The following MAML3 variants were observed in gnomAD, a reference collection of about 807,000 sequenced individuals.
The protein encoded by MAML3 is mastermind like transcriptional coactivator 3.
MAML3 carries 27 observed loss-of-function variants against 101.9 expected under a neutral mutation model. The ratio of observed to expected loss-of-function variants is 0.27; its 90% CI spans 0.20 to 0.37. The LOEUF is 0.37. MAML3 is among the 10% of genes least tolerant of loss of function. MAML3 has a pLI of 1.00. For synonymous variants in MAML3, 501 were observed against 555.9 expected, an observed-to-expected ratio of 0.90 and a Z score of 1.39; for missense variants, 1,316 against 1,444.9, an observed-to-expected ratio of 0.91 and a Z score of 1.45.
At chr4:139,771,632 A>AT (rs1729982170) in intron 2 of MAML3, among the ~76,000 whole-genome samples, 1 of 152,232 alleles carries the variant, frequency 6.6e-6, no homozygotes, top group African/African-American at 2.4e-5. Context: ...AGCTGGCGGA[A>AT]ATAATTTTCT....
At chr4:140,018,076 A>G (rs1206618742) in intron 1 of MAML3, among the ~76,000 whole-genome samples, 1 of 152,146 alleles carries the variant, frequency 6.6e-6, no homozygotes, top group African/African-American at 2.4e-5. Flanking sequence ...TTAATTTTCT[A>G]TTAAGTCTAA....
intron 3 of MAML3, among the ~76,000 whole-genome samples, chr4:139,726,214 T>C (rs1728467827): frequency 6.6e-6 from 1 of 152,252 alleles, no homozygotes; most frequent in East Asian, 1.9e-4. Flanking sequence ...GTCTGGCTTC[T>C]TGCATTCACC....
Position 139,992,323 on chromosome 4 carries a change from A to G in MAML3, c.469-101356T>C, listed in dbSNP as rs114479797. Among the ~76,000 whole-genome samples the G allele has an allele frequency of 9.9e-3, 1,506 of 152,126 alleles. 13 individuals are homozygous for G. Among genetic ancestry groups the G allele is most frequent in the Non-Finnish European group, 0.016 (1,095 of 67,992 alleles). Reference sequence around the variant, plus strand: ...TTTGTGTATGTTTCTGTGTGGCTATATTTTCATTTCTCCTGGATAGATTCC... The same window carrying G: ...TTTGTGTATGTTTCTGTGTGGCTATGTTTTCATTTCTCCTGGATAGATTCC... On this transcript the variant is annotated intron_variant, in intron 1 of 4. Coordinates refer to ENST00000509479, the MANE Select transcript of MAML3 (RefSeq NM_018717.5).
intron 1 of MAML3, among the ~76,000 whole-genome samples, chr4:139,900,410 T>A (rs1453923594): frequency 6.6e-6 from 1 of 152,252 alleles, no homozygotes; most frequent in Admixed American, 6.5e-5. Flanking sequence ...ATATTGGGAA[T>A]GGATCGTAAA....
chr4:140,065,180 G>C (rs1727513723), intron 1 of MAML3, among the ~76,000 whole-genome samples: 1 of 152,008 alleles, frequency 6.6e-6, no homozygotes, highest in Admixed American at 6.6e-5. Flanking sequence ...CTTTTCTACA[G>C]AGTAAAATCC....
chr4:140,092,968 A>G (rs1339082757), intron 1 of MAML3, among the ~76,000 whole-genome samples: 1 of 152,224 alleles, frequency 6.6e-6, no homozygotes, highest in Non-Finnish European at 1.5e-5. Flanking sequence ...ACAAGAGACA[A>G]GTAGAGGAAG....
chr4:140,115,707 G>T (rs1272008996), intron 1 of MAML3, among the ~76,000 whole-genome samples: 1 of 152,114 alleles, frequency 6.6e-6, no homozygotes, highest in Non-Finnish European at 1.5e-5. Flanking sequence ...AAAAGCAAGT[G>T]TACTCAATTT....
chr4:139,757,322 A>G (rs185131341), intron 2 of MAML3, among the ~76,000 whole-genome samples: 1 of 151,322 alleles, frequency 6.6e-6, no homozygotes, highest in African/African-American at 2.4e-5. Flanking sequence ...GCCTGCCAGT[A>G]CTCCCCCTCA....
At chr4:139,836,715 C>T (rs1731260159) in intron 2 of MAML3, among the ~76,000 whole-genome samples, 1 of 152,068 alleles carries the variant, frequency 6.6e-6, no homozygotes, top group Non-Finnish European at 1.5e-5. Flanking sequence ...GAGCCCGGGC[C>T]TATGTTGTTC....
intron 1 of MAML3, among the ~76,000 whole-genome samples, chr4:140,048,042 C>T (rs762090951): frequency 2.0e-5 from 3 of 152,076 alleles, no homozygotes; most frequent in Non-Finnish European, 2.9e-5. Context: ...TGTCCCTTTA[C>T]GAAGACATTT....
intron 1 of MAML3, among the ~76,000 whole-genome samples, chr4:139,949,311 G>A (rs958769529): frequency 2.0e-5 from 3 of 152,096 alleles, no homozygotes; most frequent in African/African-American, 2.4e-5. Flanking sequence ...CACCACACCC[G>A]GCCAGTAGTA....
intron 1 of MAML3, among the ~76,000 whole-genome samples, chr4:140,021,055 A>G (rs901835968): frequency 6.6e-6 from 1 of 152,200 alleles, no homozygotes; most frequent in Non-Finnish European, 1.5e-5. Context: ...TAAAGTACCC[A>G]AGGAGTTACA....
chr4:139,924,561 G>T (rs1265290560), intron 1 of MAML3, among the ~76,000 whole-genome samples: 1 of 152,158 alleles, frequency 6.6e-6, no homozygotes, highest in Non-Finnish European at 1.5e-5. Flanking sequence ...ACATGAAACA[G>T]AAGTCATATC....
intron 1 of MAML3, among the ~76,000 whole-genome samples, chr4:140,028,088 T>C (rs1243310063): frequency 6.6e-6 from 1 of 152,258 alleles, no homozygotes; most frequent in Non-Finnish European, 1.5e-5. Flanking sequence ...GCAAGTATTA[T>C]GTTTGGAATA....
chr4:139,763,309 G>C (rs1213699127), intron 2 of MAML3, among the ~76,000 whole-genome samples: 1 of 152,180 alleles, frequency 6.6e-6, no homozygotes, highest in Non-Finnish European at 1.5e-5. Flanking sequence ...ATTCTCCCTT[G>C]AATGACTAAG....
rs1362752128 is a variant in MAML3, at chr4:140,018,799, T to C, written c.469-127832A>G. On this transcript the variant is annotated intron_variant, in intron 1 of 4. Transcript: ENST00000509479. ...TTTGGGACATAGTGTTTTTAACTTA[T>C]TATAACTTATGTAACTAATCCCTTA... is the stretch of plus-strand genomic sequence containing the variant. 5.3e-5 allele frequency among the ~76,000 whole-genome samples: 8 copies of C among 152,350 alleles called. No homozygotes were observed. In the East Asian group the frequency reaches 9.6e-4, roughly 18 times the overall value.
intron 1 of MAML3, among the ~76,000 whole-genome samples, chr4:140,024,246 G>A (rs1417145603): frequency 6.8e-6 from 1 of 147,424 alleles, no homozygotes; most frequent in East Asian, 2.0e-4. Flanking sequence ...TTTTTTTTTA[G>A]AGACAGTGTC....
chr4:140,151,314 C>A (rs962543049), intron 1 of MAML3, among the ~76,000 whole-genome samples: 5 of 151,214 alleles, frequency 3.3e-5, no homozygotes, highest in Admixed American at 3.3e-4. Flanking sequence ...TGAGCGCCCC[C>A]GGAGAACTGG....
intron 2 of MAML3, chr4:139,888,456 G>T: frequency 2.0e-6 from 1 of 494,494 alleles, no homozygotes; most frequent in Middle Eastern, 3.4e-4. Flanking sequence ...AGGGCAGGGG[G>T]AGTCGCTTTA....
Sources: gnomAD v4.1 joint callset for allele counts (sites outside exome capture counted in the v4.1 genomes callset) on GRCh38, gnomAD v4.1.1 for gene constraint, MANE v1.5 for transcripts, NCBI Gene and HGNC (gene_info 2026-07-23, HGNC 2026-07-21) for gene names.